The following PACS2 variants were observed in gnomAD, a reference collection of about 807,000 sequenced individuals.
PACS2 encodes PACS1-like protein.
PACS2 carries 36 observed loss-of-function variants against 113.0 expected under a neutral mutation model. That is an observed-to-expected ratio of 0.32 (90% confidence interval 0.24 to 0.42). The LOEUF is 0.42. Among genes scored for constraint, PACS2 ranks in the 10% least tolerant of loss-of-function variants. The pLI, the probability that PACS2 is intolerant of heterozygous loss-of-function variation, is 1.00. For missense variants in PACS2, 1,015 were observed against 1,239.5 expected (o/e 0.82, Z 2.72); for synonymous variants, 589 against 536.1 (o/e 1.10, Z -1.36).
chr14:105,388,093 G>A (rs2081239383), intron 19 of PACS2, among the ~76,000 whole-genome samples: 1 of 152,272 alleles, frequency 6.6e-6, no homozygotes, highest in South Asian at 2.1e-4. Context: ...GACAAGAAGA[G>A]GGGAAAGTTT....
chr14:105,342,148 C>T (rs1240330632), intron 1 of PACS2, among the ~76,000 whole-genome samples: 4 of 152,158 alleles, frequency 2.6e-5, no homozygotes. Context: ...GCAGTACCTG[C>T]GCACTCCCCA....
rs139282295 is a variant in PACS2 at position 105,300,955 on chromosome 14, G to C, written c.-107G>C. ...GGGCGACCTGCGGGGGCTGGGCTTC[G>C]GCGGAACCCGAGCGGGGCCTACCGG... On this transcript the variant is annotated 5_prime_UTR_variant, in exon 1 of 24. Coordinates refer to the PACS2 transcript ENST00000430725. 3.3e-3 allele frequency: 512 copies of C among 154,964 alleles called. 3 individuals are homozygous for C. The highest frequency in any genetic ancestry group is 0.014 in the East Asian group (76 of 5,252). The allele number at this position is 154,964 out of a possible 1,614,324, so 9.6% of individuals were successfully genotyped here. A position where few individuals can be genotyped will look rare whatever the true frequency, so the allele number is the denominator to read the frequency against.
intron 4 of PACS2, among the ~76,000 whole-genome samples, chr14:105,362,377 A>G (rs782629828): frequency 1.3e-5 from 2 of 149,600 alleles, no homozygotes; most frequent in South Asian, 2.1e-4. Flanking sequence ...AGATCGCGCC[A>G]CTGCACTCCA....
At chr14:105,384,015 C>G in intron 16 of PACS2, 2 of 344,296 alleles carry the variant, frequency 5.8e-6, no homozygotes, top group South Asian at 6.9e-5. Flanking sequence ...GCAGCAAGGC[C>G]TGGAGGCGAC....
rs782571727 is a variant in PACS2 at position 105,380,120 on chromosome 14, A to T, written c.1091A>T (p.Gln364Leu). The change falls in exon 11 of 25, where the codon CAG becomes CTG. Residue 364 changes from glutamine (Q) to leucine (L), a missense_variant. By Grantham distance (113) the Gln-to-Leu change is moderately radical. Transcript: ENST00000447393. ...PEKTRSLGGR[Q>L]PSDSVSDTVA... ...AAGACGCGGTCCCTGGGAGGCAGGC[A>T]GCCGAGCGACAGTGTCTCTGACACG... The T allele has an allele frequency of 2.6e-6, 4 of 1,553,018 alleles. No homozygotes were observed. Among genetic ancestry groups the T allele is most frequent in the Non-Finnish European group, 3.5e-6 (4 of 1,148,012 alleles).
At position 105,368,163 on chromosome 14, in the gene PACS2, G is replaced by T. The variant is rs2061007760; in HGVS notation, c.660+16G>T. The T allele has an allele frequency of 6.3e-7, 1 of 1,578,090 alleles. No individual in the cohort carries two copies. The highest frequency in any genetic ancestry group is 2.2e-5 in the East Asian group (1 of 44,720). On this transcript the variant is annotated intron_variant, in intron 6 of 24. Transcript: ENST00000447393. ...GCAGGGGCAGGTGACCTGGGGCCGG[G>T]GCTCCGCGCCCTCTCCTGGCTCACA...
At chr14:105,351,603 C>A (rs181323250) in intron 2 of PACS2, among the ~76,000 whole-genome samples, 1 of 152,112 alleles carries the variant, frequency 6.6e-6, no homozygotes, top group Non-Finnish European at 1.5e-5. Context: ...TGTGGGAGGC[C>A]GAGGAGGGTG....
In PACS2 at chr14:105,309,023, A is replaced by G. The variant is rs868205775; in HGVS notation, c.-83+8044A>G. On this transcript the variant is annotated intron_variant, in intron 1 of 23. Transcript: ENST00000430725. This position sits in a 1 kb window ranked among gnomAD's most constrained non-coding sequence, Gnocchi z 4.0. ...AAGACAAACAAAACCTAACAAAACC[A>G]GAAATCCATCCTGCACGAAGAGCAC... Among the ~76,000 whole-genome samples, 2 of 152,170 alleles carry G rather than the reference A, an allele frequency of 1.3e-5. No individual in the cohort carries two copies. Among genetic ancestry groups the G allele is most frequent in the Non-Finnish European group, 2.9e-5 (2 of 68,026 alleles).
chr14:105,377,100 G>T (rs1183332021), intron 9 of PACS2, among the ~76,000 whole-genome samples, 175 bp downstream of exon 9: 1 of 152,190 alleles, frequency 6.6e-6, no homozygotes, highest in Non-Finnish European at 1.5e-5. Flanking sequence ...TGCCTGGCAG[G>T]CCCAGGCTAC....
At position 105,314,827 on chromosome 14, in the gene PACS2, C is replaced by T. The variant is rs990317832; in HGVS notation, c.-92C>T. The T allele has an allele frequency of 4.1e-5, 16 of 390,966 alleles. No individual in the cohort carries two copies. The highest frequency in any genetic ancestry group is 3.1e-4 in the African/African-American group (14 of 45,226). The allele number at this position is 390,966 out of a possible 1,614,324, so 24.2% of individuals were successfully genotyped here. On this transcript the variant is annotated 5_prime_UTR_variant, in exon 1 of 25. Transcript: ENST00000447393. ...CCGCCGCCCGGCAGCCATGTGACCG[C>T]GCCGCCGCCCTCCGCGCGCCCGGCC...
chr14:105,315,064 C>T lies in PACS2; in HGVS notation c.119+27C>T, dbSNP rs950393667. ...TACGCGCCGCCCGCCGCGCTTTGTT[C>T]CCGCCGGGCACCTGCTGGGGGTGTC... On this transcript the variant is annotated intron_variant, in intron 1 of 24. Coordinates refer to ENST00000447393, the MANE Select transcript of PACS2 (RefSeq NM_001100913.3). This position sits in a 1 kb window ranked among gnomAD's most constrained non-coding sequence, Gnocchi z 4.4. 8.8e-6 allele frequency: 10 copies of T among 1,139,818 alleles called. No individual in the cohort carries two copies. In the African/African-American group the frequency reaches 1.5e-4, roughly 17 times the overall value. The allele number at this position is 1,139,818 out of a possible 1,614,324, so 70.6% of individuals were successfully genotyped here.
chr14:105,383,899 C>T (rs782322766), intron 16 of PACS2: 9 of 282,692 alleles, frequency 3.2e-5, no homozygotes, highest in African/African-American at 1.3e-4. Context: ...GTTATTAATC[C>T]TCTCAAATCG....
rs587630073 is a variant in PACS2 at position 105,398,129 on chromosome 14, T to C, written c.*3457T>C. On this transcript the variant is annotated 3_prime_UTR_variant, in exon 25 of 25. Transcript: ENST00000447393. ...TTTCAAGGTGCTGATGCAACACTAA[T>C]AAACCTGGAGGGGCCGGCCCCCGCC... The C allele has an allele frequency of 6.6e-6, 1 of 152,260 alleles. No homozygotes were observed. The highest frequency in any genetic ancestry group is 2.1e-4 in the South Asian group (1 of 4,830). 9.4% of individuals were successfully genotyped at this position (152,260 alleles called of 1,614,324 possible).
rs1040431495 is a variant in PACS2, at chr14:105,354,834, C to T, written c.298-218C>T. Among the ~76,000 whole-genome samples the T allele has an allele frequency of 4.6e-5, 7 of 152,216 alleles. No individual in the cohort carries two copies. The highest frequency in any genetic ancestry group is 8.8e-5 in the Non-Finnish European group (6 of 68,034). On this transcript the variant is annotated intron_variant, in intron 3 of 24. Transcript: ENST00000447393. This position sits in a 1 kb window ranked among gnomAD's most constrained non-coding sequence, Gnocchi z 4.2. ...GGAGCCCTCAGGGCCTGAGCTCTGG[C>T]GACTGGCTCACTCTTGATTGTGTTG...
chr14:105,384,330 C>T (rs782473913), intron 16 of PACS2, 23 bp from the exon 17 acceptor site: 2 of 1,466,392 alleles, frequency 1.4e-6, no homozygotes, highest in Admixed American at 1.7e-5. Flanking sequence ...CGTGGTGACA[C>T]CAGCCCCACC....
chr14:105,306,663 T>C (rs2058197537), intron 1 of PACS2, among the ~76,000 whole-genome samples: 1 of 151,366 alleles, frequency 6.6e-6, no homozygotes, highest in Admixed American at 6.6e-5. Context: ...TGTAGTGCAA[T>C]GGCACGATCT....
rs1353228684 is a variant in PACS2, at chr14:105,315,189, G to GC, written c.119+154dup. 6.0e-5 allele frequency: 18 copies of GC among 299,306 alleles called. No homozygotes were observed. The highest frequency in any genetic ancestry group is 1.1e-4 in the African/African-American group (5 of 44,650). The allele number at this position is 299,306 out of a possible 1,614,324, so 18.5% of individuals were successfully genotyped here. A position where few individuals can be genotyped will look rare whatever the true frequency, so the allele number is the denominator to read the frequency against. On this transcript the variant is annotated intron_variant, in intron 1 of 24. Transcript: ENST00000447393. This position sits in a 1 kb window ranked among gnomAD's most constrained non-coding sequence, Gnocchi z 4.4. ...GCCCGCCGGTTCGACGCGTGCAGCC[G>GC]CCGCCCCCCCGCAGCTCCGGCAAGC...
At chr14:105,353,161 C>T (rs1555404526) in intron 3 of PACS2, among the ~76,000 whole-genome samples, 7 of 115,010 alleles carry the variant, frequency 6.1e-5, no homozygotes, top group African/African-American at 1.0e-4. Context: ...ACGGGCACCC[C>T]CATCACTGTC....
chr14:105,379,630 C>T (rs1056760469), intron 9 of PACS2, 109 bp from the exon 10 acceptor site: 6 of 861,864 alleles, frequency 7.0e-6, no homozygotes, highest in Admixed American at 5.6e-5. Context: ...CTCTGCTCTG[C>T]CGTTGGATTC....
Sources: allele counts gnomAD v4.1 joint callset (sites outside exome capture counted in the v4.1 genomes callset), GRCh38; gene constraint gnomAD v4.1.1; non-coding constraint Gnocchi (gnomAD v3.1); transcripts MANE v1.5; gene names NCBI Gene and HGNC (gene_info 2026-07-23, HGNC 2026-07-21).